Variants in NUP210L observed in about 807,000 individuals in gnomAD.
NUP210L encodes nucleoporin 210 like, also known as nuclear pore membrane glycoprotein 210-like.
NUP210L carries 74 observed loss-of-function variants against 208.5 expected under a neutral mutation model. The ratio of observed to expected loss-of-function variants is 0.35; its 90% CI spans 0.29 to 0.43. The LOEUF (loss-of-function observed/expected upper bound fraction) is 0.43, where lower values mean the gene tolerates loss of function less well. Among genes scored for constraint, NUP210L ranks in the 20% least tolerant of loss-of-function variants. NUP210L has a pLI of 1.00. For synonymous variants in NUP210L, 780 were observed against 816.9 expected (o/e 0.95, Z 0.77); for missense variants, 1,843 against 2,289.4 (o/e 0.81, Z 3.98).
chr1:154,091,512 T>C (rs1655911663), intron 15 of NUP210L, among the ~76,000 whole-genome samples: 1 of 149,446 alleles, frequency 6.7e-6, no homozygotes, highest in South Asian at 2.1e-4. Context: ...TTTTTTTTTT[T>C]TTTTTTGAGA....
At chr1:154,015,078 G>T (rs757372165) in intron 33 of NUP210L, among the ~76,000 whole-genome samples, 4 of 151,910 alleles carry the variant, frequency 2.6e-5, no homozygotes, top group Non-Finnish European at 4.4e-5. Flanking sequence ...AAGTTCCAGG[G>T]TACATGTGCA....
rs780737110 is a variant in NUP210L, at chr1:154,025,495, G to A, written c.4122+47C>T. On this transcript the variant is annotated intron_variant, in intron 30 of 39. Transcript: ENST00000368559. ...AGAAACTCTGCTTTTTAAGGCCAGG[G>A]TATGACTTTTATTTATTTGTTTTTT... is the stretch of plus-strand genomic sequence containing the variant. The A allele has an allele frequency of 9.1e-6, 12 of 1,315,096 alleles. No individual in the cohort carries two copies. The East Asian group carries it at 2.6e-4, about 28-fold the overall frequency. The allele number at this position is 1,315,096 out of a possible 1,614,324, so 81.5% of individuals were successfully genotyped here.
At chr1:154,090,793 AAG>A in intron 15 of NUP210L, among the ~76,000 whole-genome samples, 1 of 151,966 alleles carries the variant, frequency 6.6e-6, no homozygotes, top group African/African-American at 2.4e-5. Context: ...CCTGGGTGAC[AAG>A]AGTCAAACTA....
chr1:154,054,823 G>C, exon 24 of NUP210L: 1 of 1,611,770 alleles, frequency 6.2e-7, no homozygotes, highest in Non-Finnish European at 8.5e-7. Flanking sequence ...AGTCTGAATG[G>C]AGGAAACACC....
intron 35 of NUP210L, among the ~76,000 whole-genome samples, chr1:154,005,585 G>A (rs1396749212): frequency 6.6e-6 from 1 of 151,804 alleles, no homozygotes; most frequent in African/African-American, 2.4e-5. Flanking sequence ...TGCCTAGGCT[G>A]GAGTGCAATG....
At chr1:154,049,437 G>C (rs563615245) in intron 25 of NUP210L, among the ~76,000 whole-genome samples, 3 of 152,116 alleles carry the variant, frequency 2.0e-5, no homozygotes, top group Non-Finnish European at 4.4e-5. Flanking sequence ...AGAAAGAAAA[G>C]TTCCTGCCAA....
chr1:154,002,561 G>A (rs1464169538), intron 35 of NUP210L, among the ~76,000 whole-genome samples: 5 of 151,840 alleles, frequency 3.3e-5, no homozygotes, highest in African/African-American at 4.8e-5. Context: ...TGAGATGGAC[G>A]TTGCAGTGAG....
chr1:154,005,205 T>C (rs1387267083), intron 35 of NUP210L, among the ~76,000 whole-genome samples: 2 of 151,742 alleles, frequency 1.3e-5, no homozygotes, highest in African/African-American at 2.4e-5. Context: ...CCTTAAAAAC[T>C]GCCTTCATTA....
chr1:154,070,510 T>C, intron 16 of NUP210L, 45 bp from the exon 17 acceptor site: 2 of 1,254,226 alleles, frequency 1.6e-6, no homozygotes, highest in Non-Finnish European at 2.2e-6. Flanking sequence ...TAAAAATCAA[T>C]AGCCTAAGGG....
intron 33 of NUP210L, among the ~76,000 whole-genome samples, chr1:154,017,147 G>A (rs1014026334): frequency 3.3e-5 from 5 of 151,988 alleles, no homozygotes; most frequent in Non-Finnish European, 7.4e-5. Context: ...TGGGGGTAGT[G>A]GCACGTGCCT....
chr1:153,992,850 C>G, exon 40 of NUP210L: 1 of 1,612,658 alleles, frequency 6.2e-7, no homozygotes, highest in Non-Finnish European at 8.5e-7. Flanking sequence ...GCCTTATACT[C>G]CATAACCAAT....
intron 35 of NUP210L, among the ~76,000 whole-genome samples, chr1:154,007,337 A>G (rs182833411): frequency 1.4e-5 from 2 of 147,282 alleles, no homozygotes; most frequent in Admixed American, 1.4e-4. Flanking sequence ...ATCTTGGCTC[A>G]CCGCAACCTC....
rs770217261 is a variant in NUP210L at position 154,149,087 on chromosome 1, C to CTTT, written c.340+3646_340+3648dup. Among the ~76,000 whole-genome samples the CTTT allele has an allele frequency of 4.8e-4, 57 of 119,338 alleles. 1 individual carries two copies. The highest frequency in any genetic ancestry group is 1.4e-3 in the African/African-American group (44 of 32,188). The allele number at this position is 119,338 out of a possible 152,430, so 78.3% of individuals were successfully genotyped here. On this transcript the variant is annotated intron_variant, in intron 2 of 39. Transcript: ENST00000368559. ...ACTACTTCAACAGCAGAAAACTTCTCTTTTTTTTTTTTCCTGAGAAGGAGT... is the reference window on the plus strand; with the variant it reads ...ACTACTTCAACAGCAGAAAACTTCTCTTTTTTTTTTTTTTTCCTGAGAAGGAGT...
chr1:154,072,172 C>T (rs1049603676), intron 16 of NUP210L, among the ~76,000 whole-genome samples: 4 of 151,904 alleles, frequency 2.6e-5, no homozygotes, highest in African/African-American at 9.7e-5. Context: ...CAAATGGTAG[C>T]TTTACTTTTA....
At chr1:154,087,790 C>T (rs1655699751) in intron 16 of NUP210L, among the ~76,000 whole-genome samples, 3 of 152,082 alleles carry the variant, frequency 2.0e-5, no homozygotes, top group African/African-American at 7.2e-5. Context: ...GCTACCATAT[C>T]AATGAAACTT....
At position 154,077,051 on chromosome 1, in the gene NUP210L, C is replaced by T. The variant is rs188178232; in HGVS notation, c.2362-6586G>A. ...GATCTTTCATCAGAAACCATGAGGA[C>T]CAGAAGGCAGTGAGATGACACATTC... is the stretch of plus-strand genomic sequence containing the variant. On this transcript the variant is annotated intron_variant, in intron 16 of 39. Transcript: ENST00000368559. 5.9e-5 allele frequency among the ~76,000 whole-genome samples: 9 copies of T among 152,140 alleles called. No homozygotes were observed. The East Asian group carries it at 1.7e-3, about 29-fold the overall frequency.
chr1:154,046,491 T>G lies in NUP210L; in HGVS notation c.3484-122A>C, dbSNP rs556663419. 1.0e-4 allele frequency: 81 copies of G among 780,792 alleles called. No homozygotes were observed. In the Admixed American group the frequency reaches 1.3e-3, roughly 12 times the overall value. 48.4% of individuals were successfully genotyped at this position (780,792 alleles called of 1,614,324 possible). ...ATTCAGTAAAAAACCTTGCCCATGCTTATTGCAGCACTATTCACAATAGCC... is the reference window on the plus strand; with the variant it reads ...ATTCAGTAAAAAACCTTGCCCATGCGTATTGCAGCACTATTCACAATAGCC... On this transcript the variant is annotated intron_variant, in intron 25 of 39. Coordinates refer to ENST00000368559, the Ensembl canonical transcript of NUP210L.
chr1:153,996,015 T>G (rs1649836403), intron 37 of NUP210L: 3 of 373,004 alleles, frequency 8.0e-6, no homozygotes, highest in East Asian at 1.4e-4. Context: ...AAATGCGGCC[T>G]GGCGTGGTGG....
exon 38 of NUP210L, chr1:153,995,084 A>T: frequency 6.2e-7 from 1 of 1,606,398 alleles, no homozygotes; most frequent in Non-Finnish European, 8.5e-7. Context: ...ACCTAGGAAG[A>T]TGGAAGCTGT....
Sources: gnomAD v4.1 joint callset for allele counts (sites outside exome capture counted in the v4.1 genomes callset) on GRCh38, gnomAD v4.1.1 for gene constraint, MANE v1.5 for transcripts, NCBI Gene and HGNC (gene_info 2026-07-23, HGNC 2026-07-21) for gene names.